RANBP2: variants seen among roughly 807,000 people sequenced by gnomAD.
RANBP2 encodes RAN binding protein 2, also known as E3 SUMO-protein ligase RanBP2.
Under a neutral mutation model 303.6 loss-of-function variants are expected in RANBP2, and 57 were observed. That is an observed-to-expected ratio of 0.19 (90% confidence interval 0.15 to 0.23). The LOEUF is 0.23. Among genes scored for constraint, RANBP2 ranks in the 10% least tolerant of loss-of-function variants. RANBP2 has a pLI of 1.00. For synonymous variants in RANBP2, 1,167 were observed against 1,301.5 expected (o/e 0.90, Z 2.23); for missense variants, 3,138 against 3,780.8 (o/e 0.83, Z 4.46).
In RANBP2 at chr2:108,726,197, C is replaced by T. The variant is rs145061345; in HGVS notation, c.73-2935C>T. ...TCTCACGGCCTCCTGCTCCGTCCTA[C>T]CTAGGACACAAGTCATCCCTTTGTC... On this transcript the variant is annotated intron_variant, in intron 1 of 28. Transcript: ENST00000283195. Among the ~76,000 whole-genome samples, 219 of 152,320 alleles carry T rather than the reference C, an allele frequency of 1.4e-3. 1 individual carries two copies. Among genetic ancestry groups the T allele is most frequent in the African/African-American group, 5.1e-3 (210 of 41,570 alleles).
the RANBP2 span, among the ~76,000 whole-genome samples, chr2:109,641,864 G>A: frequency 1.3e-5 from 2 of 152,256 alleles, no homozygotes; most frequent in Non-Finnish European, 2.9e-5. Flanking sequence ...GGAGTACAAT[G>A]GTGCAATCTC....
Position 108,784,201 on chromosome 2 carries a change from A to G in RANBP2, c.*300A>G, listed in dbSNP as rs571700094. On this transcript the variant is annotated 3_prime_UTR_variant, in exon 29 of 29. Transcript: ENST00000283195. ...ATAGACCTCAAACTATTGAAGGAAT[A>G]TGATATATGCAATTTAATTTTAATT... 1.1e-4 allele frequency: 30 copies of G among 280,558 alleles called. 2 individuals carry two copies. In the South Asian group the frequency reaches 1.7e-3, roughly 16 times the overall value. The allele number at this position is 280,558 out of a possible 1,614,324, so 17.4% of individuals were successfully genotyped here.
chr2:109,058,468 T>C, the RANBP2 span, among the ~76,000 whole-genome samples: 1 of 152,194 alleles, frequency 6.6e-6, no homozygotes, highest in African/African-American at 2.4e-5. Flanking sequence ...CTCTCCTTCC[T>C]GAGATATTTA....
chr2:108,881,730 AGG>A, the RANBP2 span, among the ~76,000 whole-genome samples: 1 of 152,214 alleles, frequency 6.6e-6, no homozygotes, highest in Non-Finnish European at 1.5e-5. Context: ...ATCCAAGGAG[AGG>A]GAGAGATGGG....
At chr2:109,011,817 C>T in the RANBP2 span, among the ~76,000 whole-genome samples, 1 of 152,072 alleles carries the variant, frequency 6.6e-6, no homozygotes, top group African/African-American at 2.4e-5. Context: ...TCCCAAAGCT[C>T]TTTTAATTCT....
At chr2:109,687,591 GTACATT>G in the RANBP2 span, among the ~76,000 whole-genome samples, 959 of 152,204 alleles carry the variant, frequency 6.3e-3, 14 homozygotes, top group African/African-American at 0.022. Flanking sequence ...CTCGACCACA[GTACATT>G]TACTGTCTTC....
At chr2:109,727,588 C>G in the RANBP2 span, among the ~76,000 whole-genome samples, 1 of 152,180 alleles carries the variant, frequency 6.6e-6, no homozygotes, top group African/African-American at 2.4e-5. Context: ...CTCACAAACT[C>G]CCAACACAAC....
the RANBP2 span, among the ~76,000 whole-genome samples, chr2:109,341,269 G>T: frequency 6.6e-6 from 1 of 152,252 alleles, no homozygotes; most frequent in Non-Finnish European, 1.5e-5. Flanking sequence ...ACCTCTGGTT[G>T]CAGTGTGATA....
the RANBP2 span, among the ~76,000 whole-genome samples, chr2:109,293,382 C>T: frequency 1.3e-5 from 2 of 152,362 alleles, no homozygotes; most frequent in East Asian, 3.9e-4. Flanking sequence ...AAAGGGGCTG[C>T]AGCCCTGTTC....
chr2:109,416,995 T>A, the RANBP2 span, among the ~76,000 whole-genome samples: 1 of 151,512 alleles, frequency 6.6e-6, no homozygotes, highest in African/African-American at 2.4e-5. Flanking sequence ...GTGTTCCCCA[T>A]GGGGGCCCAG....
the RANBP2 span, among the ~76,000 whole-genome samples, chr2:109,095,413 G>A: frequency 6.6e-6 from 1 of 152,308 alleles, no homozygotes; most frequent in Non-Finnish European, 1.5e-5. Flanking sequence ...TATGATTTTT[G>A]TTAAAGGGAA....
chr2:108,751,274 A>G lies in RANBP2; in HGVS notation c.1284A>G (p.Arg428=), dbSNP rs142514679. The change falls in exon 10 of 29, where the codon CGA becomes CGG. Residue 428 remains arginine (R), a synonymous_variant. Coordinates refer to ENST00000283195, the MANE Select transcript of RANBP2 (RefSeq NM_006267.5). ...TTAATTTTATTTCAGGTGCTATTCG[A>G]GCACATAATGGTAGTCTTCAGCACC... ...DLTRYDVGAI[R]AHNGSLQHLT... is the part of the protein sequence containing the mutation. 1,332 of 1,611,984 alleles carry G rather than the reference A, an allele frequency of 8.3e-4. 2 individuals are homozygous for G. Among genetic ancestry groups the G allele is most frequent in the Middle Eastern group, 2.0e-3 (9 of 4,430 alleles).
At chr2:109,270,490 T>C in the RANBP2 span, among the ~76,000 whole-genome samples, 2 of 152,182 alleles carry the variant, frequency 1.3e-5, no homozygotes, top group Admixed American at 6.5e-5. Flanking sequence ...TCTGAGCCAC[T>C]GGACTTAATG....
At chr2:109,388,627 C>T in the RANBP2 span, among the ~76,000 whole-genome samples, 1 of 152,218 alleles carries the variant, frequency 6.6e-6, no homozygotes, top group Non-Finnish European at 1.5e-5. Context: ...TAGCTGCATT[C>T]ATTCAAACAC....
chr2:109,353,935 C>T, the RANBP2 span, among the ~76,000 whole-genome samples: 9 of 152,214 alleles, frequency 5.9e-5, no homozygotes, highest in Admixed American at 2.0e-4. Flanking sequence ...TACGTGAACA[C>T]GATGGGAACA....
intron 1 of RANBP2, among the ~76,000 whole-genome samples, chr2:108,727,581 A>G (rs1358554877): frequency 2.0e-5 from 3 of 150,884 alleles, no homozygotes; most frequent in African/African-American, 2.4e-5. Flanking sequence ...ACATGGATGG[A>G]ACATACTCTG....
the RANBP2 span, among the ~76,000 whole-genome samples, chr2:109,032,588 G>A: frequency 6.6e-6 from 1 of 151,714 alleles, no homozygotes; most frequent in South Asian, 2.1e-4. Context: ...CCTCCCCATG[G>A]GGTGGGGTGG....
chr2:109,447,979 C>A, the RANBP2 span, among the ~76,000 whole-genome samples: 1 of 152,118 alleles, frequency 6.6e-6, no homozygotes, highest in Non-Finnish European at 1.5e-5. Context: ...GGGTGGTGGG[C>A]GGCTTCTCCT....
chr2:109,391,150 A>G, the RANBP2 span, among the ~76,000 whole-genome samples: 16 of 152,202 alleles, frequency 1.1e-4, no homozygotes, highest in Non-Finnish European at 2.2e-4. Flanking sequence ...AACTCTTCCA[A>G]AAGCCTTGCC....
Sources: gnomAD v4.1 joint callset for allele counts (sites outside exome capture counted in the v4.1 genomes callset) on GRCh38, gnomAD v4.1.1 for gene constraint, MANE v1.5 for transcripts, NCBI Gene and HGNC (gene_info 2026-07-23, HGNC 2026-07-21) for gene names.